The following SCN9A variants were observed in gnomAD, a reference collection of about 807,000 sequenced individuals.
SCN9A encodes sodium channel protein type 9 subunit alpha.
Under a neutral mutation model 187.0 loss-of-function variants are expected in SCN9A, and 131 were observed. The ratio of observed to expected loss-of-function variants is 0.70; its 90% CI spans 0.61 to 0.81. The LOEUF is 0.81. Among genes scored for constraint, SCN9A ranks in the 30% least tolerant of loss-of-function variants. SCN9A has a pLI of 0.00. For synonymous variants in SCN9A, 809 were observed against 808.6 expected (o/e 1.00, Z -0.01); for missense variants, 2,252 against 2,396.6 (o/e 0.94, Z 1.26).
chr2:166,317,966 G>C (rs990708835), intron 1 of SCN9A, among the ~76,000 whole-genome samples: 67 of 152,272 alleles, frequency 4.4e-4, no homozygotes, highest in African/African-American at 1.5e-3. Flanking sequence ...TTCTAGCAGA[G>C]AAGTCACAGA....
At chr2:166,361,809 TA>T (rs1055273325) in intron 1 of SCN9A, among the ~76,000 whole-genome samples, 6 of 152,018 alleles carry the variant, frequency 3.9e-5, no homozygotes, top group African/African-American at 1.4e-4. Flanking sequence ...ATTGTTTTTT[TA>T]AAAAAATGAA....
At chr2:166,247,147 C>A in intron 18 of SCN9A, among the ~76,000 whole-genome samples, 1 of 49,650 alleles carries the variant, frequency 2.0e-5, no homozygotes, top group Non-Finnish European at 3.6e-5. Context: ...TCATGTTAAA[C>A]CAAAGCTCTC....
chr2:166,292,692 C>T (rs1047816300), intron 9 of SCN9A, among the ~76,000 whole-genome samples: 1 of 151,888 alleles, frequency 6.6e-6, no homozygotes, highest in Non-Finnish European at 1.5e-5. Context: ...GAAATAGCCA[C>T]ATGAATTACC....
Position 166,199,809 on chromosome 2 carries a change from T to C in SCN9A, c.4830A>G (p.Arg1610=), listed in dbSNP as rs770986636. The change falls in exon 27 of 27, where the codon CGA becomes CGG. Residue 1610 remains arginine (R), a synonymous_variant. Coordinates refer to ENST00000642356, the MANE Select transcript of SCN9A (RefSeq NM_001365536.1). Reference sequence around the variant, plus strand: ...GGCCAATCCTGGCAAGACGGATCACTCGGAACAGGGTAGGGGACACAAAAT... The same window carrying C: ...GGCCAATCCTGGCAAGACGGATCACCCGGAACAGGGTAGGGGACACAAAAT... ...ETYFVSPTLF[R]VIRLARIGRI... is the part of the protein sequence containing the mutation. The C allele has an allele frequency of 6.2e-7, 1 of 1,613,790 alleles. No homozygotes were observed. The highest frequency in any genetic ancestry group is 2.2e-5 in the East Asian group (1 of 44,856).
At chr2:166,202,573 A>G (rs1693592118) in intron 26 of SCN9A, among the ~76,000 whole-genome samples, 1 of 151,784 alleles carries the variant, frequency 6.6e-6, no homozygotes, top group African/African-American at 2.4e-5. Context: ...TTTTCCTTGA[A>G]TTTATAGATT....
chr2:166,302,701 ATG>A (rs1488678350), intron 7 of SCN9A: 1 of 149,136 alleles, frequency 6.7e-6, no homozygotes, highest in African/African-American at 2.4e-5. Context: ...CATAATAAAT[ATG>A]TCACATTATA....
At chr2:166,329,431 T>A (rs1699442578) in intron 1 of SCN9A, among the ~76,000 whole-genome samples, 1 of 152,164 alleles carries the variant, frequency 6.6e-6, no homozygotes, top group Non-Finnish European at 1.5e-5. Context: ...AAAATACACT[T>A]TATTGTGTAT....
intron 1 of SCN9A, among the ~76,000 whole-genome samples, chr2:166,368,022 G>A (rs546961299): frequency 3.3e-5 from 5 of 152,274 alleles, no homozygotes; most frequent in South Asian, 4.1e-4. Flanking sequence ...GCTTGGTAGC[G>A]TAACCACCAG....
intron 17 of SCN9A, among the ~76,000 whole-genome samples, chr2:166,254,511 A>G (rs1193904260): frequency 6.6e-6 from 1 of 151,374 alleles, no homozygotes; most frequent in Non-Finnish European, 1.5e-5. Flanking sequence ...GCGGTGAAAT[A>G]TATTGAATTC....
intron 1 of SCN9A, among the ~76,000 whole-genome samples, chr2:166,354,455 A>T (rs560742915): frequency 2.0e-5 from 3 of 152,166 alleles, no homozygotes; most frequent in Non-Finnish European, 4.4e-5. Context: ...AAATTCTCTA[A>T]TTTGGGATTA....
chr2:166,252,192 GACC>G (rs1271236221), intron 17 of SCN9A, among the ~76,000 whole-genome samples: 1 of 151,730 alleles, frequency 6.6e-6, no homozygotes, highest in African/African-American at 2.4e-5. Flanking sequence ...GGAAAGTATT[GACC>G]ACATCTTATT....
intron 7 of SCN9A, among the ~76,000 whole-genome samples, chr2:166,298,191 A>T (rs1323274290): frequency 1.3e-5 from 2 of 152,220 alleles, no homozygotes; most frequent in Non-Finnish European, 2.9e-5. Flanking sequence ...CTGTAGATGA[A>T]GGAGATAGGA....
At chr2:166,336,232 A>G (rs1236345260) in intron 1 of SCN9A, among the ~76,000 whole-genome samples, 1 of 152,140 alleles carries the variant, frequency 6.6e-6, no homozygotes, top group Non-Finnish European at 1.5e-5. Context: ...CATTTTGGCT[A>G]ATGTTGGCAT....
At chr2:166,337,937 G>T (rs1574940631) in intron 1 of SCN9A, among the ~76,000 whole-genome samples, 1 of 152,060 alleles carries the variant, frequency 6.6e-6, no homozygotes, top group East Asian at 1.9e-4. Flanking sequence ...ATTAGGCAGG[G>T]GGAGTTAAAT....
intron 17 of SCN9A, among the ~76,000 whole-genome samples, chr2:166,266,375 A>T (rs777706781): frequency 5.7e-4 from 87 of 151,848 alleles, no homozygotes; most frequent in Non-Finnish European, 1.1e-3. Flanking sequence ...TTGACTGTAT[A>T]TGTGTAGATT....
intron 9 of SCN9A, among the ~76,000 whole-genome samples, chr2:166,289,393 C>A (rs990901779): frequency 6.6e-6 from 1 of 151,770 alleles, no homozygotes; most frequent in Non-Finnish European, 1.5e-5. Flanking sequence ...CCCATGTGTT[C>A]TCATTGCCCA....
chr2:166,232,983 T>A (rs988966678), intron 21 of SCN9A, among the ~76,000 whole-genome samples: 26 of 147,342 alleles, frequency 1.8e-4, no homozygotes, highest in Non-Finnish European at 3.4e-4. Flanking sequence ...ATAATTAGTA[T>A]TTATATATTA....
chr2:166,314,713 G>A (rs1294311165), intron 1 of SCN9A, among the ~76,000 whole-genome samples: 1 of 152,146 alleles, frequency 6.6e-6, no homozygotes, highest in African/African-American at 2.4e-5. Context: ...GGCCACATAC[G>A]ATATGATTCC....
chr2:166,317,543 A>T (rs1311657865), intron 1 of SCN9A, among the ~76,000 whole-genome samples: 1 of 152,220 alleles, frequency 6.6e-6, no homozygotes, highest in Non-Finnish European at 1.5e-5. Flanking sequence ...AGTTAAAATC[A>T]ATATGGAAAT....
Sources: gnomAD v4.1 joint callset for allele counts (sites outside exome capture counted in the v4.1 genomes callset) on GRCh38, gnomAD v4.1.1 for gene constraint, MANE v1.5 for transcripts, NCBI Gene and HGNC (gene_info 2026-07-23, HGNC 2026-07-21) for gene names.